SORCS1: variants seen among roughly 807,000 people sequenced by gnomAD.
SORCS1 encodes sortilin related VPS10 domain containing receptor 1.
Under a neutral mutation model 146.1 loss-of-function variants are expected in SORCS1, and 60 were observed. That is an observed-to-expected ratio of 0.41 (90% confidence interval 0.33 to 0.51). SORCS1 has a LOEUF of 0.51. Among genes scored for constraint, SORCS1 ranks in the 20% least tolerant of loss-of-function variants. The pLI is 0.21. For synonymous variants in SORCS1, 637 were observed against 584.0 expected (o/e 1.09, Z -1.31); for missense variants, 1,352 against 1,487.6 (o/e 0.91, Z 1.50).
intron 14 of SORCS1, among the ~76,000 whole-genome samples, chr10:106,673,430 G>T (rs778123421): frequency 6.6e-6 from 1 of 152,040 alleles, no homozygotes; most frequent in African/African-American, 2.4e-5. Flanking sequence ...GCACTTGGCC[G>T]AGGAGGGTAC....
chr10:106,586,696 C>T (rs1282347517), intron 24 of SORCS1, among the ~76,000 whole-genome samples: 1 of 152,206 alleles, frequency 6.6e-6, no homozygotes, highest in South Asian at 2.1e-4. Context: ...TGGCTCATGC[C>T]TGCAATCTCA....
chr10:106,802,500 T>C, intron 3 of SORCS1, among the ~76,000 whole-genome samples: 1 of 72,476 alleles, frequency 1.4e-5, no homozygotes, highest in South Asian at 3.3e-4. Context: ...CCCAGCTAAT[T>C]TTTTTTTTTT....
At chr10:106,592,668 T>C (rs770906000) in intron 24 of SORCS1, among the ~76,000 whole-genome samples, 1 of 151,318 alleles carries the variant, frequency 6.6e-6, no homozygotes, top group Non-Finnish European at 1.5e-5. Flanking sequence ...CAATGGTTCT[T>C]TTTTTTTTCT....
intron 1 of SORCS1, among the ~76,000 whole-genome samples, chr10:106,957,165 G>GTTTTTTTTTTT (rs374081494): frequency 2.9e-5 from 4 of 138,036 alleles, no homozygotes; most frequent in Admixed American, 7.2e-5. Context: ...GTTTTTTTTT[G>GTTTTTTTTTTT]TTTTTTTTGT....
rs199895176 is a variant in SORCS1 at position 106,652,576 on chromosome 10, C to T, written c.2304-23G>A. Reference sequence around the variant, plus strand: ...TACCTAAATGGAAAAAAGCTCAAGTCGTAAACCAGCTCATTATAATGTGAA... The same window carrying T: ...TACCTAAATGGAAAAAAGCTCAAGTTGTAAACCAGCTCATTATAATGTGAA... On this transcript the variant is annotated intron_variant, in intron 17 of 25. Transcript: ENST00000263054. 505 of 1,607,166 alleles carry T rather than the reference C, an allele frequency of 3.1e-4. 3 individuals are homozygous for T. The highest frequency in any genetic ancestry group is 1.0e-3 in the Middle Eastern group (6 of 5,944).
At chr10:106,823,684 G>A (rs1439045904) in intron 3 of SORCS1, among the ~76,000 whole-genome samples, 3 of 152,198 alleles carry the variant, frequency 2.0e-5, no homozygotes, top group African/African-American at 7.2e-5. Flanking sequence ...AGAAGTGAGA[G>A]TAAAGTGCTA....
chr10:106,964,824 G>A (rs1247284234), intron 1 of SORCS1, among the ~76,000 whole-genome samples: 4 of 151,430 alleles, frequency 2.6e-5, no homozygotes, highest in African/African-American at 9.7e-5. Flanking sequence ...ATGTTGCCTA[G>A]GCTGGACTCT....
chr10:106,727,715 C>T (rs563036682), intron 6 of SORCS1, among the ~76,000 whole-genome samples: 51 of 152,228 alleles, frequency 3.4e-4, no homozygotes, highest in African/African-American at 1.2e-3. Context: ...TGAGAGTTTA[C>T]GAGAGGCTTT....
chr10:106,840,688 G>A (rs1298620359), intron 2 of SORCS1, among the ~76,000 whole-genome samples: 1 of 151,924 alleles, frequency 6.6e-6, no homozygotes. Flanking sequence ...GAAAGGAAGA[G>A]TCAATTCATG....
chr10:106,722,945 C>A (rs149925068), intron 6 of SORCS1, among the ~76,000 whole-genome samples: 229 of 152,294 alleles, frequency 1.5e-3, no homozygotes, highest in African/African-American at 5.1e-3. Context: ...TCTGTTAGTG[C>A]TCCAGGACTC....
In SORCS1 at chr10:106,574,487, T is replaced by C. The variant is rs931860935; in HGVS notation, c.*2933A>G. ...TGTAGGCTCTCATTACTGCCTTCTG[T>C]TTGAGATTCAGCTGGAATGGCCTAG... On this transcript the variant is annotated 3_prime_UTR_variant, in exon 26 of 26. Transcript: ENST00000263054. The C allele has an allele frequency of 6.6e-6, 1 of 152,532 alleles. No homozygotes were observed. The highest frequency in any genetic ancestry group is 1.5e-5 in the Non-Finnish European group (1 of 68,032). 9.4% of individuals were successfully genotyped at this position (152,532 alleles called of 1,614,324 possible).
At chr10:106,986,397 A>G (rs1477453515) in intron 1 of SORCS1, among the ~76,000 whole-genome samples, 1 of 152,202 alleles carries the variant, frequency 6.6e-6, no homozygotes, top group Admixed American at 6.5e-5. Flanking sequence ...TATAAAGGAA[A>G]CCATACTTAG....
intron 2 of SORCS1, among the ~76,000 whole-genome samples, chr10:106,950,058 C>A (rs530780155): frequency 6.6e-6 from 1 of 152,316 alleles, no homozygotes; most frequent in African/African-American, 2.4e-5. Flanking sequence ...AAAACCACCA[C>A]GCTCTCCAAT....
chr10:106,590,793 T>C (rs956568779), intron 24 of SORCS1, among the ~76,000 whole-genome samples: 3 of 152,184 alleles, frequency 2.0e-5, no homozygotes, highest in Admixed American at 2.0e-4. Flanking sequence ...TAGCTGGGGC[T>C]ACAGGTGCAC....
intron 2 of SORCS1, among the ~76,000 whole-genome samples, chr10:106,893,255 T>G (rs905775275): frequency 6.6e-6 from 1 of 152,156 alleles, no homozygotes; most frequent in East Asian, 1.9e-4. Context: ...GCATAGGGCT[T>G]TTGGTCACCT....
chr10:106,999,475 C>T (rs1280096635), intron 1 of SORCS1, among the ~76,000 whole-genome samples: 2 of 152,164 alleles, frequency 1.3e-5, no homozygotes, highest in Non-Finnish European at 2.9e-5. Context: ...ATTTATAGCA[C>T]CATTTGTTTC....
At position 106,597,428 on chromosome 10, in the gene SORCS1, G is replaced by A. The variant is rs569324090; in HGVS notation, c.3188C>T (p.Thr1063Met). 69 of 1,613,770 alleles carry A rather than the reference G, an allele frequency of 4.3e-5. No homozygotes were observed. Among genetic ancestry groups the A allele is most frequent in the Admixed American group, 1.2e-4 (7 of 60,012 alleles). Residue 1063 changes from threonine (T) to methionine (M), a missense_variant, in exon 24 of 26, where the codon ACG (threonine) becomes ATG (methionine). Around this residue, in one of 3 missense-constraint regions of SORCS1, gnomAD observed 214 missense variants for 204.8 expected, o/e 1.05. Transcript: ENST00000263054. ...LEQISELLIHTLNQNSVHFEL... is the reference protein window; with the variant it reads ...LEQISELLIHMLNQNSVHFEL... ...GAAGTGTACTGAGTTTTGGTTGAGC[G>A]TGTGGATCAGCAATTCTGATATCTG...
intron 5 of SORCS1, among the ~76,000 whole-genome samples, chr10:106,750,818 G>A (rs538552538): frequency 6.8e-6 from 1 of 148,096 alleles, no homozygotes; most frequent in East Asian, 2.0e-4. Context: ...CCAGCACTTT[G>A]GGAGGCCGAG....
intron 5 of SORCS1, among the ~76,000 whole-genome samples, chr10:106,760,515 A>C (rs1180827148): frequency 6.6e-6 from 1 of 151,754 alleles, no homozygotes; most frequent in Non-Finnish European, 1.5e-5. Flanking sequence ...GGACACAGAC[A>C]GAAGGCAGCC....
Sources: allele counts gnomAD v4.1 joint callset (sites outside exome capture counted in the v4.1 genomes callset), GRCh38; gene constraint gnomAD v4.1.1; regional missense constraint gnomAD v4.1.1; transcripts MANE v1.5; gene names NCBI Gene and HGNC (gene_info 2026-07-23, HGNC 2026-07-21).